The following PUM2 variants were observed in gnomAD, a reference collection of about 807,000 sequenced individuals.
The protein encoded by PUM2 is pumilio RNA binding family member 2.
A neutral mutation model predicts 124.5 loss-of-function variants in PUM2; 57 were observed. The ratio of observed to expected loss-of-function variants is 0.46; its 90% CI spans 0.37 to 0.57. The LOEUF (loss-of-function observed/expected upper bound fraction) is 0.57. Among genes scored for constraint, PUM2 ranks in the 20% least tolerant of loss-of-function variants. The pLI, the probability that PUM2 is intolerant of heterozygous loss-of-function variation, is 0.00. For synonymous variants in PUM2, 460 were observed against 446.1 expected (o/e 1.03, Z -0.39); for missense variants, 1,065 against 1,290.6 (o/e 0.83, Z 2.68).
At chr2:20,256,472 C>G (rs944624549) in intron 16 of PUM2, among the ~76,000 whole-genome samples, 1 of 152,158 alleles carries the variant, frequency 6.6e-6, no homozygotes, top group African/African-American at 2.4e-5. Context: ...GCTGAACTTG[C>G]TGTATTTAAA....
chr2:20,329,702 C>G (rs759249827), intron 1 of PUM2, among the ~76,000 whole-genome samples: 1 of 152,056 alleles, frequency 6.6e-6, no homozygotes, highest in Non-Finnish European at 1.5e-5. Context: ...AGGGTTACAG[C>G]GGGCCATTTC....
intron 3 of PUM2, among the ~76,000 whole-genome samples, chr2:20,316,308 A>C (rs1680923045): frequency 6.6e-6 from 1 of 152,138 alleles, no homozygotes. Context: ...CAATTATTTT[A>C]TTTTAACAAT....
intron 1 of PUM2, among the ~76,000 whole-genome samples, chr2:20,330,765 G>A (rs1009423229): frequency 6.6e-6 from 1 of 152,218 alleles, no homozygotes; most frequent in Non-Finnish European, 1.5e-5. Flanking sequence ...ATTTACAGCT[G>A]GTCAGTGAGA....
rs1469374319 is a variant in PUM2 at position 20,251,646 on chromosome 2, T to C, written c.3134A>G (p.Tyr1045Cys). 6.2e-7 allele frequency: 1 copy of C among 1,613,908 alleles called. No homozygotes were observed. Among genetic ancestry groups the C allele is most frequent in the Non-Finnish European group, 8.5e-7 (1 of 1,179,812 alleles). ...TAGGTCCGGGCTATTCTTCAAATAA[T>C]ACTTTTCCAACTTGGCCAGTATATG... ...GKHILAKLEK[Y>C]YLKNSPDLGP... The change falls in exon 21 of 21, where the codon TAT (tyrosine) becomes TGT (cysteine). Residue 1045 changes from tyrosine to cysteine, a missense_variant. This residue lies in a region of PUM2 where 968 missense variants were observed against 1,159.8 expected (regional missense o/e 0.83). Coordinates refer to ENST00000361078, the MANE Select transcript of PUM2 (RefSeq NM_015317.5).
intron 1 of PUM2, among the ~76,000 whole-genome samples, chr2:20,338,335 T>C (rs540812231): frequency 3.9e-5 from 6 of 152,206 alleles, no homozygotes; most frequent in African/African-American, 1.4e-4. Context: ...AGGCGGAGGT[T>C]GCAGTGAGCC....
chr2:20,309,136 T>C (rs1181452720), intron 5 of PUM2, among the ~76,000 whole-genome samples: 3 of 152,162 alleles, frequency 2.0e-5, no homozygotes, highest in Non-Finnish European at 4.4e-5. Context: ...AAAAGAGTAC[T>C]ATACATGATA....
At position 20,327,166 on chromosome 2, in the gene PUM2, T is replaced by C. The variant is rs556740781; in HGVS notation, c.51+144A>G. The C allele has an allele frequency of 1.8e-4, 110 of 612,374 alleles. 1 individual carries two copies. The highest frequency in any genetic ancestry group is 6.5e-4 in the Admixed American group (20 of 30,672). The allele number at this position is 612,374 out of a possible 1,614,324, so 37.9% of individuals were successfully genotyped here. The stretch of plus-strand genomic sequence containing the variant: ...AAAGCTAAAAATCACAACAGAATTG[T>C]ACAATCTGAAATTTAAACCCCTCCA... On this transcript the variant is annotated intron_variant, in intron 2 of 20. Coordinates refer to ENST00000361078, the MANE Select transcript of PUM2 (RefSeq NM_015317.5).
Position 20,290,697 on chromosome 2 carries a change from T to C in PUM2, c.1246A>G (p.Asn416Asp), listed in dbSNP as rs1673834876. 1.2e-6 allele frequency: 2 copies of C among 1,613,476 alleles called. No individual in the cohort carries two copies. Among genetic ancestry groups the C allele is most frequent in the African/African-American group, 1.3e-5 (1 of 75,062 alleles). ...AESLAAAAAA[N>D]PTLAFGQGLA... is the part of the protein sequence containing the mutation. ...CCCTGACCAAAAGCCAATGTTGGAT[T>C]TGCTGCTGCAGCTGCCGCAAGTGAT... is the stretch of plus-strand genomic sequence containing the variant. Residue 416 changes from asparagine to aspartate, a missense_variant, in exon 10 of 21, where the codon AAT becomes GAT. Physicochemically the swap from Asn to Asp is conservative, Grantham distance 23. Coordinates refer to ENST00000361078, the MANE Select transcript of PUM2 (RefSeq NM_015317.5).
intron 7 of PUM2, among the ~76,000 whole-genome samples, chr2:20,301,011 T>C (rs997560772): frequency 3.9e-5 from 6 of 152,228 alleles, no homozygotes; most frequent in African/African-American, 1.4e-4. Flanking sequence ...CAATCATTTG[T>C]CTCTTATTTA....
chr2:20,262,131 T>C (rs781068179), intron 14 of PUM2, among the ~76,000 whole-genome samples: 23 of 152,138 alleles, frequency 1.5e-4, no homozygotes, highest in African/African-American at 5.3e-4. Context: ...TAATTTATTA[T>C]TGAAGAAAAA....
intron 2 of PUM2, among the ~76,000 whole-genome samples, chr2:20,321,340 C>CG (rs914730451): frequency 1.3e-5 from 2 of 151,802 alleles, no homozygotes; most frequent in Middle Eastern, 3.4e-3. Flanking sequence ...GGCTGGGAAG[C>CG]GGGGGGGAGG....
intron 3 of PUM2, among the ~76,000 whole-genome samples, chr2:20,316,156 A>T (rs1045284294): frequency 1.3e-5 from 2 of 152,208 alleles, no homozygotes; most frequent in Non-Finnish European, 2.9e-5. Flanking sequence ...TATGTATCAC[A>T]TATTAGTTGA....
At chr2:20,306,483 T>C (rs1678327327) in intron 7 of PUM2, among the ~76,000 whole-genome samples, 1 of 151,914 alleles carries the variant, frequency 6.6e-6, no homozygotes, top group South Asian at 2.1e-4. Flanking sequence ...GCAGTACATT[T>C]CTAACATAAG....
intron 13 of PUM2, among the ~76,000 whole-genome samples, chr2:20,266,522 T>C (rs1267886069): frequency 2.0e-5 from 3 of 151,416 alleles, no homozygotes; most frequent in Non-Finnish European, 4.4e-5. Context: ...AAAAAAATAT[T>C]CTCCAGAAAC....
intron 1 of PUM2, among the ~76,000 whole-genome samples, chr2:20,335,960 T>A (rs1685914284): frequency 6.6e-6 from 1 of 152,198 alleles, no homozygotes; most frequent in South Asian, 2.1e-4. Context: ...TTATAAGGCA[T>A]CCTCTCAACT....
At position 20,336,787 on chromosome 2, in the gene PUM2, T is replaced by C. The variant is rs866454562; in HGVS notation, c.-18-9409A>G. Among the ~76,000 whole-genome samples the C allele has an allele frequency of 1.2e-3, 162 of 137,594 alleles. 2 individuals are homozygous for C. Among genetic ancestry groups the C allele is most frequent in the Middle Eastern group, 8.1e-3 (2 of 246 alleles). The allele number at this position is 137,594 out of a possible 152,430, so 90.3% of individuals were successfully genotyped here. On this transcript the variant is annotated intron_variant, in intron 1 of 20. Transcript: ENST00000361078. ...GTGTGTGTGTGTGTGTGTGTGTGTG[T>C]GTGTGTGTGTGTGTGGTACAGACGG...
At chr2:20,271,095 GT>G (rs1022851947) in intron 13 of PUM2, among the ~76,000 whole-genome samples, 2 of 150,896 alleles carry the variant, frequency 1.3e-5, no homozygotes, top group Non-Finnish European at 2.9e-5. Context: ...GAATAAGGAT[GT>G]TTTTTTCTCC....
At chr2:20,345,962 A>AT (rs1265635603) in intron 1 of PUM2, among the ~76,000 whole-genome samples, 2 of 152,230 alleles carry the variant, frequency 1.3e-5, no homozygotes, top group African/African-American at 4.8e-5. Context: ...TACTCCATGA[A>AT]TATTTTCTCA....
intron 7 of PUM2, among the ~76,000 whole-genome samples, chr2:20,299,048 T>C (rs1036935738): frequency 1.3e-5 from 2 of 152,138 alleles, no homozygotes; most frequent in Non-Finnish European, 2.9e-5. Context: ...GTATCTTTCA[T>C]AATAAACCAG....
Sources: gnomAD v4.1 joint callset for allele counts (sites outside exome capture counted in the v4.1 genomes callset) on GRCh38, gnomAD v4.1.1 for gene constraint, gnomAD v4.1.1 regional missense constraint, MANE v1.5 for transcripts, NCBI Gene and HGNC (gene_info 2026-07-23, HGNC 2026-07-21) for gene names.